FGGY: variants seen among roughly 807,000 people sequenced by gnomAD.
The protein encoded by FGGY is FGGY carbohydrate kinase domain-containing protein.
FGGY carries 72 observed loss-of-function variants against 71.3 expected under a neutral mutation model. The ratio of observed to expected loss-of-function variants is 1.01; its 90% confidence interval spans 0.84 to 1.23. The LOEUF (loss-of-function observed/expected upper bound fraction) is 1.23. FGGY is among the 50% of genes most tolerant of loss of function. FGGY has a pLI of 0.00. For missense variants in FGGY, 668 were observed against 682.3 expected (o/e 0.98, Z 0.23); for synonymous variants, 251 against 250.3 (o/e 1.00, Z -0.02).
chr1:59,401,350 A>G (rs904564029), intron 5 of FGGY, among the ~76,000 whole-genome samples: 6 of 152,234 alleles, frequency 3.9e-5, no homozygotes, highest in African/African-American at 1.4e-4. Context: ...GTTATTAACA[A>G]TAAATTCCAA....
intron 4 of FGGY, among the ~76,000 whole-genome samples, chr1:59,371,202 A>T (rs1351939106): frequency 6.6e-6 from 1 of 152,162 alleles, no homozygotes; most frequent in Non-Finnish European, 1.5e-5. Context: ...AAATAACAGG[A>T]TGGAGGAAGA....
At chr1:59,471,475 A>T (rs948012997) in intron 6 of FGGY, among the ~76,000 whole-genome samples, 1 of 152,120 alleles carries the variant, frequency 6.6e-6, no homozygotes, top group Non-Finnish European at 1.5e-5. Flanking sequence ...TGAGCTTTTG[A>T]TCTTACCTTA....
At chr1:59,531,499 A>G (rs2095142254) in intron 7 of FGGY, among the ~76,000 whole-genome samples, 1 of 152,234 alleles carries the variant, frequency 6.6e-6, no homozygotes, top group Non-Finnish European at 1.5e-5. Flanking sequence ...GAGAGCTACT[A>G]AAGGACTTGA....
At chr1:59,463,188 C>A (rs1469606606) in intron 6 of FGGY, among the ~76,000 whole-genome samples, 2 of 152,166 alleles carry the variant, frequency 1.3e-5, no homozygotes, top group Non-Finnish European at 2.9e-5. Context: ...TTTGTAGGGA[C>A]ATGGATGAAA....
intron 6 of FGGY, among the ~76,000 whole-genome samples, chr1:59,479,539 A>G (rs182405276): frequency 9.7e-4 from 148 of 152,316 alleles, no homozygotes; most frequent in African/African-American, 3.3e-3. Flanking sequence ...GAAGACAAAA[A>G]TGGTACAGCT....
chr1:59,475,560 G>T (rs1455299860), intron 6 of FGGY, among the ~76,000 whole-genome samples: 8 of 152,136 alleles, frequency 5.3e-5, no homozygotes. Context: ...GATGAGCTTT[G>T]GTCTTTTCCA....
intron 1 of FGGY, chr1:59,315,450 A>G (rs577607496): frequency 9.9e-6 from 1 of 100,828 alleles, no homozygotes; most frequent in Non-Finnish European, 1.9e-5. Flanking sequence ...CCCTCTCCCC[A>G]CCACACTTCC....
chr1:59,368,061 G>A (rs962806223), intron 4 of FGGY, among the ~76,000 whole-genome samples: 1 of 152,064 alleles, frequency 6.6e-6, no homozygotes, highest in Admixed American at 6.6e-5. Flanking sequence ...TTTGTTAGTT[G>A]CCTGGTAACT....
At chr1:59,456,492 A>G (rs2091709182) in intron 5 of FGGY, among the ~76,000 whole-genome samples, 1 of 140,086 alleles carries the variant, frequency 7.1e-6, no homozygotes, top group Non-Finnish European at 1.5e-5. Flanking sequence ...CCTGTTGCCC[A>G]GGCTGGAGTG....
At chr1:59,743,719 G>A (rs181401644) in intron 14 of FGGY, among the ~76,000 whole-genome samples, 13 of 152,202 alleles carry the variant, frequency 8.5e-5, no homozygotes, top group African/African-American at 3.1e-4. Context: ...TGTAAACACA[G>A]CTGACATAGT....
chr1:59,312,156 T>A (rs1029092684), intron 1 of FGGY, among the ~76,000 whole-genome samples: 2 of 152,246 alleles, frequency 1.3e-5, no homozygotes, highest in Non-Finnish European at 2.9e-5. Context: ...ATATTAGTTC[T>A]TTGTCAGATG....
chr1:59,586,765 G>A (rs532777912), intron 8 of FGGY, among the ~76,000 whole-genome samples: 1 of 152,054 alleles, frequency 6.6e-6, no homozygotes, highest in African/African-American at 2.4e-5. Context: ...ACAGAATGAG[G>A]TGACACATTG....
chr1:59,725,730 A>G (rs78748630), intron 14 of FGGY, among the ~76,000 whole-genome samples: 3 of 152,050 alleles, frequency 2.0e-5, no homozygotes, highest in Non-Finnish European at 4.4e-5. Flanking sequence ...TGACTCTTGA[A>G]TATTAACCCT....
At chr1:59,582,248 CA>C (rs933136735) in intron 8 of FGGY, among the ~76,000 whole-genome samples, 3 of 149,606 alleles carry the variant, frequency 2.0e-5, no homozygotes, top group East Asian at 1.9e-4. Context: ...GAACTTGTCT[CA>C]AAAAAACCCC....
intron 4 of FGGY, among the ~76,000 whole-genome samples, chr1:59,377,653 A>G (rs2058834623): frequency 1.3e-5 from 2 of 152,184 alleles, no homozygotes; most frequent in Middle Eastern, 3.4e-3. Context: ...TATGGGTTGT[A>G]TGACAACTAG....
At chr1:59,342,433 A>G (rs1021884936) in intron 3 of FGGY, among the ~76,000 whole-genome samples, 3 of 152,166 alleles carry the variant, frequency 2.0e-5, no homozygotes, top group African/African-American at 7.2e-5. Flanking sequence ...CCTGTTAACA[A>G]ATCCTCTATT....
At chr1:59,410,518 C>T (rs2063456525) in intron 5 of FGGY, among the ~76,000 whole-genome samples, 2 of 152,142 alleles carry the variant, frequency 1.3e-5, no homozygotes, top group African/African-American at 2.4e-5. Context: ...CCTGGGGGCA[C>T]ATGTGAGAAC....
At chr1:59,691,556 A>AG (rs1168954653) in intron 14 of FGGY, among the ~76,000 whole-genome samples, 1 of 151,764 alleles carries the variant, frequency 6.6e-6, no homozygotes, top group Non-Finnish European at 1.5e-5. Context: ...TCACTAGCAG[A>AG]GGGGATCAGA....
intron 14 of FGGY, among the ~76,000 whole-genome samples, chr1:59,746,699 T>C (rs1038871846): frequency 4.6e-5 from 7 of 152,242 alleles, no homozygotes; most frequent in African/African-American, 1.4e-4. Flanking sequence ...TTTCCCTATC[T>C]TGCCCAGGCT....
Sources: gnomAD v4.1 joint callset for allele counts (sites outside exome capture counted in the v4.1 genomes callset) on GRCh38, gnomAD v4.1.1 for gene constraint, MANE v1.5 for transcripts, NCBI Gene and HGNC (gene_info 2026-07-23, HGNC 2026-07-21) for gene names.